Variants in FHIT observed in about 807,000 individuals in gnomAD.
The protein encoded by FHIT is bis(5'-adenosyl)-triphosphatase.
FHIT carries 19 observed loss-of-function variants against 17.9 expected under a neutral mutation model. The ratio of observed to expected loss-of-function variants is 1.06; its 90% CI spans 0.74 to 1.56. FHIT has a LOEUF of 1.56. Ranked by LOEUF, FHIT falls within the 40% of genes most tolerant of loss-of-function variation. The pLI is 0.00. For missense variants in FHIT, 248 were observed against 189.2 expected, an observed-to-expected ratio of 1.31 and a Z score of -1.82; for synonymous variants, 81 against 69.7, an observed-to-expected ratio of 1.16 and a Z score of -0.81.
intron 4 of FHIT, among the ~76,000 whole-genome samples, chr3:60,632,676 T>G (rs2039476892): frequency 6.6e-6 from 1 of 152,186 alleles, no homozygotes. Context: ...ATTCCAAAAA[T>G]CATGGGAAGG....
At chr3:59,805,580 A>G (rs1211041431) in intron 8 of FHIT, among the ~76,000 whole-genome samples, 1 of 152,182 alleles carries the variant, frequency 6.6e-6, no homozygotes, top group Non-Finnish European at 1.5e-5. Flanking sequence ...CCATTAGACT[A>G]CATCCTTTTT....
intron 2 of FHIT, among the ~76,000 whole-genome samples, chr3:61,088,467 A>G (rs1220474845): frequency 6.6e-6 from 1 of 152,172 alleles, no homozygotes; most frequent in African/African-American, 2.4e-5. Flanking sequence ...CAATTTAGCA[A>G]ATCGAAGCTG....
intron 4 of FHIT, among the ~76,000 whole-genome samples, chr3:60,807,657 AC>A (rs1160072091): frequency 2.0e-5 from 3 of 151,988 alleles, no homozygotes; most frequent in Non-Finnish European, 4.4e-5. Flanking sequence ...ATAGCATGCC[AC>A]TCCTGACTGA....
chr3:60,691,304 A>T (rs912907170), intron 4 of FHIT, among the ~76,000 whole-genome samples: 1 of 150,892 alleles, frequency 6.6e-6, no homozygotes, highest in Non-Finnish European at 1.5e-5. Context: ...TTGTTATTTT[A>T]ATTTTTATTG....
chr3:61,013,106 A>T (rs1485840406), intron 3 of FHIT, among the ~76,000 whole-genome samples: 2 of 152,174 alleles, frequency 1.3e-5, no homozygotes, highest in Non-Finnish European at 2.9e-5. Flanking sequence ...AACTCTTTAA[A>T]CTTATAACAA....
Position 60,170,275 on chromosome 3 carries a change from G to C in FHIT, c.104-156123C>G, listed in dbSNP as rs528589583. ...CACCATACAAAGGAAATCTTCCAGA[G>C]AACAAAGGAATCACAGAAGGAAGTG... On this transcript the variant is annotated intron_variant, in intron 5 of 9. Transcript: ENST00000492590. Among the ~76,000 whole-genome samples, 107 of 152,258 alleles carry C rather than the reference G, an allele frequency of 7.0e-4. 1 individual carries two copies. Among genetic ancestry groups the C allele is most frequent in the African/African-American group, 2.4e-3 (100 of 41,558 alleles).
intron 5 of FHIT, among the ~76,000 whole-genome samples, chr3:60,312,041 T>TA (rs1341596337): frequency 2.6e-5 from 4 of 152,186 alleles, no homozygotes; most frequent in African/African-American, 9.7e-5. Context: ...ATACAATTTT[T>TA]AAAAAAATCT....
intron 5 of FHIT, among the ~76,000 whole-genome samples, chr3:60,149,985 CCTTTT>C (rs1459173503): frequency 0.38 from 18,990 of 49,648 alleles, 1,945 homozygotes; most frequent in Middle Eastern, 0.57. Flanking sequence ...AACCTTTAAG[CCTTTT>C]TTTTTTTTTT....
intron 7 of FHIT, among the ~76,000 whole-genome samples, chr3:59,966,363 C>T (rs1214386739): frequency 6.6e-6 from 1 of 152,152 alleles, no homozygotes; most frequent in East Asian, 1.9e-4. Flanking sequence ...GATCTAAATA[C>T]TGTATAAGAA....
chr3:59,761,766 C>T (rs1683349), intron 8 of FHIT, among the ~76,000 whole-genome samples: 29,472 of 151,660 alleles, frequency 0.19, 3,403 homozygotes, highest in African/African-American at 0.31. Flanking sequence ...ACCACCACAC[C>T]TGGCTAGTTT....
intron 3 of FHIT, among the ~76,000 whole-genome samples, chr3:60,995,106 G>A (rs1396543336): frequency 3.3e-5 from 5 of 152,108 alleles, no homozygotes; most frequent in African/African-American, 4.8e-5. Flanking sequence ...GGATCACGAG[G>A]TCAGGAGATC....
At chr3:61,233,999 AGCTGAC>A (rs1230738172) in intron 1 of FHIT, among the ~76,000 whole-genome samples, 1 of 152,234 alleles carries the variant, frequency 6.6e-6, no homozygotes, top group Non-Finnish European at 1.5e-5. Context: ...AAGCATTTGA[AGCTGAC>A]ATAGTAACCT....
intron 4 of FHIT, among the ~76,000 whole-genome samples, chr3:60,748,607 T>TTCA (rs1447796332): frequency 6.6e-6 from 1 of 151,512 alleles, no homozygotes; most frequent in East Asian, 1.9e-4. Context: ...AGGTCAGGAG[T>TTCA]TCAAGACCAG....
chr3:60,521,043 C>T lies in FHIT; in HGVS notation c.103+15817G>A, dbSNP rs552571633. Among the ~76,000 whole-genome samples, 9 of 151,998 alleles carry T rather than the reference C, an allele frequency of 5.9e-5. 1 individual carries two copies. In the South Asian group the frequency reaches 1.7e-3, roughly 28 times the overall value. ...TTAAATCCAGGGTGTTATTTTAATGCCATTTTTAAATGACTAATTTAAACT... is the reference window on the plus strand; with the variant it reads ...TTAAATCCAGGGTGTTATTTTAATGTCATTTTTAAATGACTAATTTAAACT... On this transcript the variant is annotated intron_variant, in intron 5 of 9. Coordinates refer to ENST00000492590, the MANE Select transcript of FHIT (RefSeq NM_002012.4).
At chr3:60,171,243 T>C (rs1377856034) in intron 5 of FHIT, among the ~76,000 whole-genome samples, 1 of 152,222 alleles carries the variant, frequency 6.6e-6, no homozygotes, top group Non-Finnish European at 1.5e-5. Flanking sequence ...TAGTTACTCC[T>C]GGAAATTACT....
chr3:60,065,100 G>A (rs147988134), intron 5 of FHIT, among the ~76,000 whole-genome samples: 1 of 152,100 alleles, frequency 6.6e-6, no homozygotes. Context: ...ATTGGGCAAA[G>A]AGCAATCAAC....
intron 5 of FHIT, among the ~76,000 whole-genome samples, chr3:60,356,450 T>A (rs1699655031): frequency 6.6e-6 from 1 of 152,076 alleles, no homozygotes; most frequent in Non-Finnish European, 1.5e-5. Flanking sequence ...AAAGGACAAA[T>A]TATTTGAAGG....
At chr3:60,484,348 C>T (rs1316023927) in intron 5 of FHIT, among the ~76,000 whole-genome samples, 1 of 152,046 alleles carries the variant, frequency 6.6e-6, no homozygotes, top group Non-Finnish European at 1.5e-5. Flanking sequence ...CTATGAAGAC[C>T]TCTGTATAGC....
chr3:60,835,896 T>C (rs958227847), intron 3 of FHIT, among the ~76,000 whole-genome samples: 13 of 152,196 alleles, frequency 8.5e-5, no homozygotes, highest in Non-Finnish European at 1.3e-4. Context: ...ATGACAGTCA[T>C]CAGTCACTAC....
Sources: allele counts gnomAD v4.1 joint callset (sites outside exome capture counted in the v4.1 genomes callset), GRCh38; gene constraint gnomAD v4.1.1; transcripts MANE v1.5; gene names NCBI Gene and HGNC (gene_info 2026-07-23, HGNC 2026-07-21).